APOB: variants seen among roughly 807,000 people sequenced by gnomAD.
The protein encoded by APOB is apolipoprotein B-100.
In APOB, 153 loss-of-function variants were observed where a neutral mutation model predicts 314.1. That is an observed-to-expected ratio of 0.49 (90% CI 0.43 to 0.56). The LOEUF is 0.56. Ranked by LOEUF, APOB falls within the 20% of genes least tolerant of loss-of-function variation. The probability of loss-of-function intolerance (pLI) is 0.00; values close to 1 mark genes in which losing one functional copy is unlikely to be tolerated. For synonymous variants in APOB, 2,087 were observed against 2,036.4 expected (o/e 1.02, Z -0.67); for missense variants, 5,430 against 5,350.7 (o/e 1.01, Z -0.46).
intron 24 of APOB, 35 bp from the exon 25 acceptor site, chr2:21,013,568 C>T (rs950121953): frequency 6.2e-7 from 1 of 1,613,280 alleles, no homozygotes; most frequent in Non-Finnish European, 8.5e-7. Context: ...TCCCCACAGT[C>T]AGACATCAGT....
intron 28 of APOB, 29 bp from the exon 29 acceptor site, chr2:21,003,363 T>A (rs374154481): frequency 1.2e-5 from 19 of 1,576,752 alleles, no homozygotes; most frequent in African/African-American, 2.7e-5. Flanking sequence ...AAAAATAACA[T>A]GTTTTCAATT....
Position 21,002,605 on chromosome 2 carries a change from A to G in APOB, c.12817T>C (p.Leu4273=), listed in dbSNP as rs1330241289. 6.2e-7 allele frequency: 1 copy of G among 1,614,080 alleles called. No individual in the cohort carries two copies. Among genetic ancestry groups the G allele is most frequent in the Non-Finnish European group, 8.5e-7 (1 of 1,179,984 alleles). Residue 4273 remains leucine, a synonymous_variant, in exon 29 of 29, where the codon TTG becomes CTG. Coordinates refer to ENST00000233242, the MANE Select transcript of APOB (RefSeq NM_000384.3). The part of the protein sequence containing the change: ...IDVISMYREL[L]KDLSKEAQEV... The stretch of plus-strand genomic sequence containing the variant: ...TGGGCTTCTTTTGATAAATCTTTCA[A>G]CAGTTCCCTATACATCGAGATTACA...
intron 20 of APOB, 64 bp from the exon 21 acceptor site, chr2:21,016,713 G>C (rs12713869): frequency 9.3e-7 from 1 of 1,076,942 alleles, no homozygotes; most frequent in Non-Finnish European, 1.4e-6. Flanking sequence ...GGCCGGGTGC[G>C]GTGGCTCACA....
In APOB at chr2:21,009,067, C is replaced by T; in HGVS notation, c.7801G>A (p.Glu2601Lys). ...KTILGTMPAF[E>K]VSLQALQKAT... ...TTCTGAAGAGCCTGAAGACTGACTT[C>T]AAAGGCAGGCATGGTCCCAAGGATG... The change falls in exon 26 of 29, where the codon GAA becomes AAA. Residue 2601 changes from glutamate to lysine, a missense_variant. Transcript: ENST00000233242. 12 of 1,614,066 alleles carry T rather than the reference C, an allele frequency of 7.4e-6. No individual in the cohort carries two copies. The highest frequency in any genetic ancestry group is 1.0e-5 in the Non-Finnish European group (12 of 1,179,956).
intron 3 of APOB, 70 bp downstream of exon 3, chr2:21,042,291 G>T: frequency 1.7e-6 from 2 of 1,211,702 alleles, no homozygotes; most frequent in Non-Finnish European, 2.5e-6. Context: ...GTCGCGTGTT[G>T]GGCGCCCGCT....
chr2:21,008,369 C>G lies in APOB; in HGVS notation c.8499G>C (p.Lys2833Asn), dbSNP rs761515806. The G allele has an allele frequency of 1.2e-6, 2 of 1,614,030 alleles. No individual in the cohort carries two copies. Among genetic ancestry groups the G allele is most frequent in the South Asian group, 2.2e-5 (2 of 91,074 alleles). ...CACTCCCATGCTCCGTTCTCAGGTA[C>G]TTGCTGGAGAACTTCACTGACTCCT... The part of the protein sequence containing the change: ...ALKESVKFSS[K>N]YLRTEHGSEM... Residue 2833 changes from lysine (K) to asparagine (N), a missense_variant, in exon 26 of 29, where the codon AAG becomes AAC. By Grantham distance (94) the Lys-to-Asn change is moderately conservative (BLOSUM62 0). Transcript: ENST00000233242.
At chr2:21,029,520 G>T in intron 12 of APOB, 119 bp downstream of exon 12, 1 of 1,141,610 alleles carries the variant, frequency 8.8e-7, no homozygotes, top group Non-Finnish European at 1.3e-6. Context: ...AGGAAGGAAG[G>T]AAAGGAAAGA....
chr2:21,005,886 A>T lies in APOB; in HGVS notation c.10982T>A (p.Ile3661Asn). 6.2e-7 allele frequency: 1 copy of T among 1,614,008 alleles called. No individual in the cohort carries two copies. Among genetic ancestry groups the T allele is most frequent in the Non-Finnish European group, 8.5e-7 (1 of 1,179,958 alleles). Reference protein sequence around the residue: ...SNDQEKAHLDIAGSLEGHLRF... With the variant: ...SNDQEKAHLDNAGSLEGHLRF... The stretch of plus-strand genomic sequence containing the variant: ...TAGGTGTCCTTCTAAGGATCCTGCA[A>T]TGTCAAGGTGTGCCTTTTCTTGGTC... Residue 3661 changes from isoleucine to asparagine, a missense_variant, in exon 26 of 29, where the codon ATT (isoleucine) becomes AAT (asparagine). This residue lies in a region of APOB where 3,281 missense variants were observed against 3,171.0 expected (regional missense o/e 1.03). Transcript: ENST00000233242.
chr2:21,014,310 T>C (rs1663410818), intron 24 of APOB, 138 bp downstream of exon 24: 8 of 982,510 alleles, frequency 8.1e-6, no homozygotes, highest in Non-Finnish European at 1.1e-5. Context: ...GCCACAGTGT[T>C]TGTGCTATAG....
At position 21,011,179 on chromosome 2, in the gene APOB, G is replaced by A. The variant is rs189341276; in HGVS notation, c.5689C>T (p.Arg1897Cys). The stretch of plus-strand genomic sequence containing the variant: ...ATGGTAAACGGGGCCATTACAGAAC[G>A]GAAGACATTGCTGAAATGCAGTGAG... ...SDSLHFSNVF[R>C]SVMAPFTMTI... Residue 1897 changes from arginine (R) to cysteine (C), a missense_variant, in exon 26 of 29, where the codon CGT becomes TGT. Transcript: ENST00000233242. 2.0e-5 allele frequency: 32 copies of A among 1,614,142 alleles called. No homozygotes were observed. In the Admixed American group the frequency reaches 3.8e-4, roughly 19 times the overall value.
chr2:21,019,608 C>G, intron 19 of APOB, 115 bp downstream of exon 19: 1 of 1,162,636 alleles, frequency 8.6e-7, no homozygotes, highest in Non-Finnish European at 1.3e-6. Flanking sequence ...ATGGTGCAAA[C>G]CCAGAAGGCT....
chr2:21,027,306 A>ATTTTTTTTTT (rs71391771), intron 14 of APOB, among the ~76,000 whole-genome samples: 15 of 105,874 alleles, frequency 1.4e-4, no homozygotes, highest in Non-Finnish European at 2.2e-4. Context: ...TTGCATTTCA[A>ATTTTTTTTTT]TTTTTTTTTT....
Position 21,033,356 on chromosome 2 carries a change from C to A in APOB, c.1067G>T (p.Arg356Ile). 6.2e-7 allele frequency: 1 copy of A among 1,614,184 alleles called. No individual in the cohort carries two copies. Among genetic ancestry groups the A allele is most frequent in the Non-Finnish European group, 8.5e-7 (1 of 1,180,034 alleles). The change falls in exon 9 of 29, where the codon AGA (arginine) becomes ATA (isoleucine). Residue 356 changes from arginine (R) to isoleucine (I), a missense_variant. Physicochemically the swap from Arg to Ile is moderately conservative, Grantham distance 97 (BLOSUM62 -3). Coordinates refer to ENST00000233242, the MANE Select transcript of APOB (RefSeq NM_000384.3). ...NLFNKLVTEL[R>I]GLSDEAVTSL... ...TGTGACTGCTTCATCACTGAGGCCT[C>A]TCAGCTCAGTAACCAGCTTATTGAA...
Position 21,013,868 on chromosome 2 carries a change from G to T in APOB, c.3843-335C>A, listed in dbSNP as rs536749646. ...TTATATAATTAATTATTTCTCATTTGTTGATGTCTCCATGGTATCTTCTTG... is the reference window on the plus strand; with the variant it reads ...TTATATAATTAATTATTTCTCATTTTTTGATGTCTCCATGGTATCTTCTTG... On this transcript the variant is annotated intron_variant, in intron 24 of 28. Transcript: ENST00000233242. 3.0e-4 allele frequency among the ~76,000 whole-genome samples: 46 copies of T among 152,264 alleles called. No homozygotes were observed. The South Asian group carries it at 9.5e-3, about 32-fold the overall frequency.
rs771100517 is a variant in APOB at position 21,028,395 on chromosome 2, C to G, written c.1761G>C (p.Glu587Asp). Residue 587 changes from glutamate (E) to aspartate (D), a missense_variant, in exon 13 of 29, where the codon GAG becomes GAC. Coordinates refer to ENST00000233242, the MANE Select transcript of APOB (RefSeq NM_000384.3). Reference sequence around the variant, plus strand: ...GGGAAGCCACAAAGTTCTTCACTTGCTCATTCTGTTCCCATGGTAGAATTT... The same window carrying G: ...GGGAAGCCACAAAGTTCTTCACTTGGTCATTCTGTTCCCATGGTAGAATTT... The part of the protein sequence containing the change: ...IVQILPWEQN[E>D]QVKNFVASHI... 1.2e-6 allele frequency: 2 copies of G among 1,614,182 alleles called. No homozygotes were observed. Among genetic ancestry groups the G allele is most frequent in the African/African-American group, 1.3e-5 (1 of 75,058 alleles).
chr2:21,018,921 T>C (rs1290367492), intron 20 of APOB, 71 bp downstream of exon 20: 8 of 1,609,522 alleles, frequency 5.0e-6, no homozygotes, highest in South Asian at 1.1e-5. Context: ...TTAAATTACA[T>C]GTCTTCTCCT....
rs766809314 is a variant in APOB at position 21,009,628 on chromosome 2, C to G, written c.7240G>C (p.Glu2414Gln). ...ATGTCAAGGAATTTGTTAACATCTT[C>G]AATGAATGTTTTAAAAGATAATTCA... ...LNELSFKTFI[E>Q]DVNKFLDMLI... is the part of the protein sequence containing the mutation. Residue 2414 changes from glutamate to glutamine, a missense_variant, in exon 26 of 29, where the codon GAA (glutamate) becomes CAA (glutamine). Around this residue, in one of 3 missense-constraint regions of APOB, gnomAD observed 3,281 missense variants for 3,171.0 expected, o/e 1.03. Coordinates refer to ENST00000233242, the MANE Select transcript of APOB (RefSeq NM_000384.3). 2 of 1,613,726 alleles carry G rather than the reference C, an allele frequency of 1.2e-6. No individual in the cohort carries two copies. Among genetic ancestry groups the G allele is most frequent in the South Asian group, 2.2e-5 (2 of 91,056 alleles).
intron 20 of APOB, among the ~76,000 whole-genome samples, chr2:21,017,018 CA>C (rs1417183060): frequency 1.5e-5 from 2 of 129,552 alleles, no homozygotes; most frequent in Non-Finnish European, 3.5e-5. Context: ...AATAAATAAA[CA>C]AACAAATAAA....
intron 20 of APOB, among the ~76,000 whole-genome samples, chr2:21,016,901 A>G (rs12720818): frequency 0.018 from 2,763 of 151,782 alleles, 42 homozygotes; most frequent in Non-Finnish European, 0.019. Flanking sequence ...GGAGAATGGC[A>G]TGAACCCGGG....
Sources: gnomAD v4.1 joint callset for allele counts (sites outside exome capture counted in the v4.1 genomes callset) on GRCh38, gnomAD v4.1.1 for gene constraint, gnomAD v4.1.1 regional missense constraint, MANE v1.5 for transcripts, NCBI Gene and HGNC (gene_info 2026-07-23, HGNC 2026-07-21) for gene names.